Variants in CECR2 observed in about 807,000 individuals in gnomAD.
CECR2 encodes the protein chromatin remodeling regulator CECR2.
In CECR2, 30 loss-of-function variants were observed where a neutral mutation model predicts 154.5. The ratio of observed to expected loss-of-function variants is 0.19; its 90% CI spans 0.15 to 0.26. CECR2 has a LOEUF of 0.26. CECR2 is among the 10% of genes least tolerant of loss of function. The pLI is 1.00. For missense variants in CECR2, 1,743 were observed against 1,829.3 expected, an observed-to-expected ratio of 0.95 and a Z score of 0.86; for synonymous variants, 725 against 683.7, an observed-to-expected ratio of 1.06 and a Z score of -0.94.
chr22:17,506,651 GTT>G (rs1270118187), intron 7 of CECR2, among the ~76,000 whole-genome samples: 1 of 151,326 alleles, frequency 6.6e-6, no homozygotes, highest in Non-Finnish European at 1.5e-5. Context: ...ATGTTTTTTT[GTT>G]TGTTTGTTTG....
At chr22:17,550,109 G>A (rs1696178644) in intron 17 of CECR2, 1 of 151,796 alleles carries the variant, frequency 6.6e-6, no homozygotes, top group Admixed American at 6.6e-5. Flanking sequence ...TTAAATGACT[G>A]ACTTAGATTT....
At position 17,499,552 on chromosome 22, in the gene CECR2, A is replaced by G. The variant is rs535340689; in HGVS notation, c.545+3A>G. On this transcript the variant is annotated splice_donor_region_variant and intron_variant, in intron 4 of 18. Coordinates refer to ENST00000262608, the MANE Select transcript of CECR2 (RefSeq NM_001290047.2). ...AATGGAGAACTCTCTTTGAGCAGGT[A>G]TGTTCTTCAGTGTTAGGGCATGATA... 1.2e-5 allele frequency: 19 copies of G among 1,605,490 alleles called. No individual in the cohort carries two copies. Among genetic ancestry groups the G allele is most frequent in the African/African-American group, 2.7e-5 (2 of 74,936 alleles).
intron 8 of CECR2, among the ~76,000 whole-genome samples, chr22:17,514,021 G>T (rs2056007398): frequency 6.6e-6 from 1 of 152,174 alleles, no homozygotes; most frequent in African/African-American, 2.4e-5. Context: ...TATCTGTTGT[G>T]GTCCCCGATA....
At chr22:17,425,300 C>T (rs1025041928) in intron 1 of CECR2, among the ~76,000 whole-genome samples, 7 of 151,836 alleles carry the variant, frequency 4.6e-5, no homozygotes, top group African/African-American at 1.5e-4. Flanking sequence ...GTAGCAGCAC[C>T]CTGGAATGAT....
upstream of CECR2, among the ~76,000 whole-genome samples, chr22:17,368,002 GTTGT>G (rs1427050991): frequency 6.6e-6 from 1 of 152,158 alleles, no homozygotes; most frequent in Non-Finnish European, 1.5e-5. Context: ...AGAACTTTGG[GTTGT>G]TTTTCTGTGC....
At chr22:17,397,600 C>G (rs187194525) in intron 1 of CECR2, among the ~76,000 whole-genome samples, 10 of 151,746 alleles carry the variant, frequency 6.6e-5, no homozygotes, top group African/African-American at 2.2e-4. Flanking sequence ...CGGGTTCACC[C>G]CATTCTCCTG....
chr22:17,404,935 A>G (rs2053958736), intron 1 of CECR2, among the ~76,000 whole-genome samples: 1 of 152,168 alleles, frequency 6.6e-6, no homozygotes, highest in Non-Finnish European at 1.5e-5. Context: ...TTTGTAGAAA[A>G]TGGGCCTCTT....
intron 1 of CECR2, among the ~76,000 whole-genome samples, chr22:17,413,649 G>A (rs146715217): frequency 6.6e-6 from 1 of 151,692 alleles, no homozygotes; most frequent in African/African-American, 2.4e-5. Flanking sequence ...AATTTCATGT[G>A]CATTTGGAAG....
At chr22:17,370,646 GCTGGCCATT>G (rs1442932817) in intron 1 of CECR2, among the ~76,000 whole-genome samples, 1 of 152,174 alleles carries the variant, frequency 6.6e-6, no homozygotes, top group Non-Finnish European at 1.5e-5. Flanking sequence ...CGGAGGACGG[GCTGGCCATT>G]CTGGCCAGGC....
Position 17,399,564 on chromosome 22 carries a change from C to T in CECR2, c.126+29655C>T, listed in dbSNP as rs1283995911. On this transcript the variant is annotated intron_variant, in intron 1 of 18. Transcript: ENST00000262608. Reference sequence around the variant, plus strand: ...TCCTGAGTAGCTGGGATTACAGGCACGCGCCACCATGCCCAGCTAATTTTT... The same window carrying T: ...TCCTGAGTAGCTGGGATTACAGGCATGCGCCACCATGCCCAGCTAATTTTT... 6.6e-5 allele frequency among the ~76,000 whole-genome samples: 10 copies of T among 151,976 alleles called. No homozygotes were observed. In the East Asian group the frequency reaches 1.6e-3, roughly 24 times the overall value.
intron 2 of CECR2, among the ~76,000 whole-genome samples, chr22:17,493,097 G>A (rs1198130979): frequency 1.3e-5 from 2 of 151,928 alleles, no homozygotes; most frequent in East Asian, 1.9e-4. Flanking sequence ...TCAGCCTCCC[G>A]AGTGGCTGGG....
chr22:17,466,565 G>A (rs2055035640), intron 1 of CECR2, among the ~76,000 whole-genome samples: 1 of 150,804 alleles, frequency 6.6e-6, no homozygotes, highest in Non-Finnish European at 1.5e-5. Context: ...CTGTCCCCAA[G>A]ATGGTAACCA....
chr22:17,547,038 CAAA>C (rs1167599171), intron 16 of CECR2, among the ~76,000 whole-genome samples: 26 of 53,806 alleles, frequency 4.8e-4, no homozygotes, highest in Middle Eastern at 0.013. Flanking sequence ...GACTCTGCCT[CAAA>C]AAAAAAAAAA....
chr22:17,391,641 T>C (rs2063327064), intron 1 of CECR2, among the ~76,000 whole-genome samples: 1 of 152,336 alleles, frequency 6.6e-6, no homozygotes, highest in Middle Eastern at 3.4e-3. Flanking sequence ...TAGATTTTGA[T>C]TATGGTAATA....
intron 10 of CECR2, among the ~76,000 whole-genome samples, chr22:17,537,978 A>C (rs1313482483): frequency 2.7e-5 from 4 of 150,028 alleles, no homozygotes. Context: ...TGGGTGACAG[A>C]GTGAGACTCC....
intron 2 of CECR2, among the ~76,000 whole-genome samples, chr22:17,495,870 A>G (rs2055618096): frequency 6.6e-6 from 1 of 150,512 alleles, no homozygotes; most frequent in African/African-American, 2.4e-5. Context: ...TCAAAAAAAA[A>G]AAAAAAAAAA....
intron 7 of CECR2, among the ~76,000 whole-genome samples, chr22:17,507,970 C>G (rs1176068787): frequency 1.3e-5 from 2 of 152,118 alleles, no homozygotes; most frequent in Non-Finnish European, 2.9e-5. Context: ...AAGATAACTT[C>G]CAAACATTTC....
intron 1 of CECR2, among the ~76,000 whole-genome samples, chr22:17,411,389 G>A (rs897943093): frequency 2.0e-5 from 3 of 152,192 alleles, no homozygotes; most frequent in Admixed American, 1.3e-4. Context: ...ACTTTGGAAC[G>A]AGTCCATCAG....
intron 1 of CECR2, among the ~76,000 whole-genome samples, chr22:17,379,581 GGTGTGTGTGTGTGTGTGT>G (rs60634016): frequency 2.9e-4 from 40 of 137,904 alleles, no homozygotes; most frequent in African/African-American, 1.0e-3. Flanking sequence ...CTACGTTGAA[GGTGTGTGTGTGTGTGTGT>G]GTGTGTGTGT....
Sources: allele counts gnomAD v4.1 joint callset (sites outside exome capture counted in the v4.1 genomes callset), GRCh38; gene constraint gnomAD v4.1.1; transcripts MANE v1.5; gene names NCBI Gene and HGNC (gene_info 2026-07-23, HGNC 2026-07-21).